Variants in ZNF407 observed in about 807,000 individuals in gnomAD.
The protein encoded by ZNF407 is zinc finger protein 407.
Under a neutral mutation model 131.2 loss-of-function variants are expected in ZNF407, and 17 were observed. The observed-to-expected ratio is 0.13, with a 90% CI of 0.09 to 0.19. The LOEUF is 0.19. ZNF407 is among the 10% of genes least tolerant of loss of function. The pLI is 1.00. For missense variants in ZNF407, 2,681 were observed against 2,830.6 expected (o/e 0.95, Z 1.20); for synonymous variants, 1,156 against 1,062.0 (o/e 1.09, Z -1.72).
At position 74,633,529 on chromosome 18, in the gene ZNF407, C is replaced by A; in HGVS notation, c.2510C>A (p.Thr837Asn). Reference protein sequence around the residue: ...STKDDELASTTTPKRGRPKGN... With the variant: ...STKDDELASTNTPKRGRPKGN... Reference sequence around the variant, plus strand: ...AAAGATGATGAATTAGCTTCAACCACTACTCCAAAGAGAGGGAGACCTAAA... The same window carrying A: ...AAAGATGATGAATTAGCTTCAACCAATACTCCAAAGAGAGGGAGACCTAAA... Residue 837 changes from threonine (T) to asparagine (N), a missense_variant, in exon 2 of 9, where the codon ACT (threonine) becomes AAT (asparagine). Around this residue, in one of 6 missense-constraint regions of ZNF407, gnomAD observed 1,789 missense variants for 1,748.7 expected, o/e 1.02. Transcript: ENST00000299687. The A allele has an allele frequency of 1.9e-6, 3 of 1,614,040 alleles. No individual in the cohort carries two copies. Among genetic ancestry groups the A allele is most frequent in the Non-Finnish European group, 2.5e-6 (3 of 1,179,884 alleles).
At chr18:74,605,739 A>T (rs1488258690) in intron 1 of ZNF407, among the ~76,000 whole-genome samples, 1 of 152,168 alleles carries the variant, frequency 6.6e-6, no homozygotes, top group Non-Finnish European at 1.5e-5. Context: ...ATTTTTTTAA[A>T]CTTAAAAAAT....
In ZNF407 at chr18:74,833,661, G is replaced by A. The variant is rs568946655; in HGVS notation, c.4878-43536G>A. ...GCTCAGGTCCTGTTGCCCTTGGCAC[G>A]GGACTTAAGGGCCTTATGTTGTATC... On this transcript the variant is annotated intron_variant, in intron 4 of 8. Coordinates refer to ENST00000299687, the MANE Select transcript of ZNF407 (RefSeq NM_017757.3). Among the ~76,000 whole-genome samples, 6 of 152,318 alleles carry A rather than the reference G, an allele frequency of 3.9e-5. No individual in the cohort carries two copies. In the East Asian group the frequency reaches 5.8e-4, roughly 15 times the overall value.
chr18:74,727,142 A>G (rs1228272829), intron 3 of ZNF407, among the ~76,000 whole-genome samples: 1 of 152,186 alleles, frequency 6.6e-6, no homozygotes, highest in East Asian at 1.9e-4. Context: ...GATTTTCTTG[A>G]TAGAACATAG....
At chr18:74,707,480 A>G (rs1265006675) in intron 3 of ZNF407, among the ~76,000 whole-genome samples, 1 of 152,124 alleles carries the variant, frequency 6.6e-6, no homozygotes, top group Non-Finnish European at 1.5e-5. Flanking sequence ...CTGGTTGAAC[A>G]TGGCAAATCT....
chr18:74,962,765 A>G (rs1972361893), intron 8 of ZNF407, among the ~76,000 whole-genome samples: 1 of 152,152 alleles, frequency 6.6e-6, no homozygotes, highest in South Asian at 2.1e-4. Flanking sequence ...ACAGTGCCCT[A>G]CCTACCTCCC....
At chr18:74,815,807 G>T (rs1023374033) in intron 4 of ZNF407, among the ~76,000 whole-genome samples, 38 of 152,088 alleles carry the variant, frequency 2.5e-4, no homozygotes, top group African/African-American at 8.0e-4. Context: ...TCACGATATG[G>T]CTACTATTGT....
chr18:74,720,961 G>T, intron 3 of ZNF407, among the ~76,000 whole-genome samples: 2 of 144,496 alleles, frequency 1.4e-5, no homozygotes, highest in African/African-American at 2.6e-5. Context: ...TCTCAGGATT[G>T]CTTTGACTAT....
At chr18:75,006,031 T>C (rs1282018407) in intron 8 of ZNF407, among the ~76,000 whole-genome samples, 2 of 152,124 alleles carry the variant, frequency 1.3e-5, no homozygotes, top group Admixed American at 1.3e-4. Flanking sequence ...CCAAACAAAC[T>C]GCGGTGAAAT....
At chr18:74,686,004 T>A (rs1043729484) in intron 3 of ZNF407, among the ~76,000 whole-genome samples, 1 of 152,244 alleles carries the variant, frequency 6.6e-6, no homozygotes, top group Non-Finnish European at 1.5e-5. Context: ...GCCTGGTATA[T>A]AATCGGCGCT....
At chr18:74,655,067 C>T (rs1478035793) in intron 3 of ZNF407, among the ~76,000 whole-genome samples, 2 of 151,696 alleles carry the variant, frequency 1.3e-5, no homozygotes, top group East Asian at 3.9e-4. Context: ...TTAGTTTGTT[C>T]CAAATAATTT....
chr18:74,907,565 C>T (rs1971612929), intron 7 of ZNF407, among the ~76,000 whole-genome samples: 1 of 152,174 alleles, frequency 6.6e-6, no homozygotes, highest in African/African-American at 2.4e-5. Context: ...CTGTGCTCTC[C>T]CACCATTCAG....
In ZNF407 at chr18:74,633,420, A is replaced by G; in HGVS notation, c.2401A>G (p.Ile801Val). 6.2e-7 allele frequency: 1 copy of G among 1,614,062 alleles called. No individual in the cohort carries two copies. The highest frequency in any genetic ancestry group is 8.5e-7 in the Non-Finnish European group (1 of 1,179,900). The change falls in exon 2 of 9, where the codon ATA becomes GTA. Residue 801 changes from isoleucine (I) to valine (V), a missense_variant. Ile to Val is a conservative substitution (Grantham distance 29, BLOSUM62 3). This residue lies in a region of ZNF407 where 1,789 missense variants were observed against 1,748.7 expected (regional missense o/e 1.02). Coordinates refer to ENST00000299687, the MANE Select transcript of ZNF407 (RefSeq NM_017757.3). ...VSGNGRIEGH[I>V]GVQLQEHSYL... Reference sequence around the variant, plus strand: ...CGGAAATGGAAGGATTGAAGGCCATATAGGTGTGCAATTACAAGAGCATTC... The same window carrying G: ...CGGAAATGGAAGGATTGAAGGCCATGTAGGTGTGCAATTACAAGAGCATTC...
chr18:74,905,860 T>G (rs1387920686), intron 7 of ZNF407: 1 of 152,190 alleles, frequency 6.6e-6, no homozygotes, highest in Non-Finnish European at 1.5e-5. Flanking sequence ...AACTAAAATT[T>G]CCTCTTGCTG....
intron 3 of ZNF407, among the ~76,000 whole-genome samples, chr18:74,763,778 C>G (rs1313951381): frequency 7.0e-6 from 1 of 142,474 alleles, no homozygotes; most frequent in Non-Finnish European, 1.5e-5. Flanking sequence ...GGCGCGATCT[C>G]GGCTCACTGC....
intron 4 of ZNF407, among the ~76,000 whole-genome samples, chr18:74,802,037 G>A (rs989212682): frequency 2.0e-5 from 3 of 151,932 alleles, no homozygotes; most frequent in East Asian, 1.9e-4. Context: ...ACCAACATAC[G>A]TGAATATGAA....
chr18:74,835,637 T>G (rs1359305870), intron 4 of ZNF407, among the ~76,000 whole-genome samples: 1 of 142,434 alleles, frequency 7.0e-6, no homozygotes, highest in African/African-American at 2.9e-5. Context: ...GGGGTGTGTG[T>G]GTGTGTGTGT....
At chr18:74,966,714 A>T (rs990209492) in intron 8 of ZNF407, among the ~76,000 whole-genome samples, 2 of 152,132 alleles carry the variant, frequency 1.3e-5, no homozygotes, top group Non-Finnish European at 2.9e-5. Flanking sequence ...TGGCATTTTG[A>T]TAGAGATTGC....
At chr18:74,964,373 C>G (rs1972384849) in intron 8 of ZNF407, among the ~76,000 whole-genome samples, 2 of 152,180 alleles carry the variant, frequency 1.3e-5, no homozygotes, top group East Asian at 1.9e-4. Flanking sequence ...TATGCCCTCT[C>G]AGGATTTGGG....
chr18:74,664,876 G>A (rs1006808304), intron 3 of ZNF407, among the ~76,000 whole-genome samples: 3 of 152,136 alleles, frequency 2.0e-5, no homozygotes, highest in Admixed American at 6.5e-5. Flanking sequence ...AAGGAGCCTG[G>A]TTGATTGAGT....
Sources: gnomAD v4.1 joint callset for allele counts (sites outside exome capture counted in the v4.1 genomes callset) on GRCh38, gnomAD v4.1.1 for gene constraint, gnomAD v4.1.1 regional missense constraint, MANE v1.5 for transcripts, NCBI Gene and HGNC (gene_info 2026-07-23, HGNC 2026-07-21) for gene names.